NAV2: variants seen among roughly 807,000 people sequenced by gnomAD.
NAV2 encodes the protein neuron navigator 2.
A neutral mutation model predicts 223.2 loss-of-function variants in NAV2; 54 were observed. The ratio of observed to expected loss-of-function variants is 0.24; its 90% CI spans 0.19 to 0.30. The LOEUF (loss-of-function observed/expected upper bound fraction) is 0.30. NAV2 is among the 10% of genes least tolerant of loss of function. The pLI, the probability that NAV2 is intolerant of heterozygous loss-of-function variation, is 1.00. For missense variants in NAV2, 2,806 were observed against 3,147.5 expected, an observed-to-expected ratio of 0.89 and a Z score of 2.60; for synonymous variants, 1,279 against 1,239.3, an observed-to-expected ratio of 1.03 and a Z score of -0.67.
At chr11:20,089,788 T>A (rs566504902) in intron 26 of NAV2, among the ~76,000 whole-genome samples, 9 of 152,306 alleles carry the variant, frequency 5.9e-5, no homozygotes, top group African/African-American at 2.2e-4. Context: ...ATCTTCTACT[T>A]TGTGCTGATT....
At chr11:19,474,441 G>T (rs1049894167) in intron 1 of NAV2, among the ~76,000 whole-genome samples, 8 of 152,208 alleles carry the variant, frequency 5.3e-5, no homozygotes, top group Admixed American at 2.0e-4. Context: ...AATTTTATTA[G>T]AAAGCATCAA....
intron 11 of NAV2, among the ~76,000 whole-genome samples, chr11:20,008,415 C>G (rs572014033): frequency 4.6e-5 from 7 of 152,160 alleles, no homozygotes; most frequent in African/African-American, 1.7e-4. Flanking sequence ...TCTGTCTTTT[C>G]TCTATCACTT....
At chr11:19,462,915 G>T (rs751657273) in intron 1 of NAV2, among the ~76,000 whole-genome samples, 5 of 152,194 alleles carry the variant, frequency 3.3e-5, no homozygotes, top group Non-Finnish European at 7.3e-5. Context: ...CTGTTTCCAG[G>T]TGGGCCTCTA....
intron 1 of NAV2, among the ~76,000 whole-genome samples, chr11:19,582,386 A>T (rs1295615534): frequency 1.3e-5 from 2 of 151,940 alleles, no homozygotes; most frequent in African/African-American, 4.8e-5. Flanking sequence ...CCCATTTGTC[A>T]ATTTTGTCTT....
At chr11:19,994,273 G>A (rs574914786) in intron 11 of NAV2, among the ~76,000 whole-genome samples, 22 of 152,162 alleles carry the variant, frequency 1.4e-4, no homozygotes, top group South Asian at 1.2e-3. Flanking sequence ...AGGGCCAGGC[G>A]TGGTGGCTCA....
At position 20,056,445 on chromosome 11, in the gene NAV2, G is replaced by GT. The variant is rs1591889425; in HGVS notation, c.4831+492dup. On this transcript the variant is annotated intron_variant, in intron 19 of 37. Coordinates refer to ENST00000349880, the MANE Select transcript of NAV2 (RefSeq NM_145117.5). ...CAAGCACTGGGTTTTTAAGTGTATT[G>GT]TTTTCAGTTATGCCCTTTTCTTTCT... 11 of 939,972 alleles carry GT rather than the reference G, an allele frequency of 1.2e-5. No individual in the cohort carries two copies. The East Asian group carries it at 2.8e-4, about 24-fold the overall frequency. The allele number at this position is 939,972 out of a possible 1,614,324, so 58.2% of individuals were successfully genotyped here.
chr11:20,107,057 ATTTTTTTTTTTTTTTTTTTTT>A (rs10590815), intron 35 of NAV2, among the ~76,000 whole-genome samples: 17 of 27,256 alleles, frequency 6.2e-4, no homozygotes, highest in African/African-American at 1.9e-3. Context: ...ATGGGCTTCC[ATTTTTTTTTTTTTTTTTTTTT>A]TTTTTTTTTT....
intron 1 of NAV2, among the ~76,000 whole-genome samples, chr11:19,799,279 T>C (rs140624096): frequency 1.6e-4 from 24 of 152,268 alleles, no homozygotes; most frequent in Non-Finnish European, 2.9e-4. Flanking sequence ...ACTGCCAGCA[T>C]AGAACATTTT....
At chr11:20,034,352 T>G (rs1333973124) in intron 11 of NAV2, among the ~76,000 whole-genome samples, 2 of 32,040 alleles carry the variant, frequency 6.2e-5, no homozygotes, top group African/African-American at 2.8e-4. Flanking sequence ...GATCAGCAAG[T>G]TTTTTTTTTG....
chr11:19,860,398 A>G (rs1248525010), intron 3 of NAV2, among the ~76,000 whole-genome samples: 2 of 130,698 alleles, frequency 1.5e-5, no homozygotes, highest in African/African-American at 3.0e-5. Flanking sequence ...GGACGGGGCG[A>G]CAGGGCAGAG....
At chr11:20,031,985 C>T (rs775441751) in intron 11 of NAV2, among the ~76,000 whole-genome samples, 2 of 152,184 alleles carry the variant, frequency 1.3e-5, no homozygotes, top group Non-Finnish European at 2.9e-5. Flanking sequence ...AATACATCTG[C>T]AAACTCACTG....
chr11:19,589,686 A>T (rs775494444), intron 1 of NAV2, among the ~76,000 whole-genome samples: 8 of 152,182 alleles, frequency 5.3e-5, no homozygotes, highest in Admixed American at 1.3e-4. Context: ...GCTCCAGCCA[A>T]GAGAGAGCCA....
At chr11:19,856,567 G>C (rs1433769949) in intron 3 of NAV2, among the ~76,000 whole-genome samples, 2 of 152,190 alleles carry the variant, frequency 1.3e-5, no homozygotes, top group Non-Finnish European at 2.9e-5. Flanking sequence ...ATAAAAAATA[G>C]ATTGAGGTAA....
chr11:19,833,209 T>C (rs1247703088), intron 2 of NAV2, among the ~76,000 whole-genome samples: 1 of 152,176 alleles, frequency 6.6e-6, no homozygotes, highest in Non-Finnish European at 1.5e-5. Flanking sequence ...AACCACCCCA[T>C]GGGCCTGACT....
intron 1 of NAV2, among the ~76,000 whole-genome samples, chr11:19,594,871 A>T (rs1387825161): frequency 1.3e-5 from 2 of 152,230 alleles, no homozygotes; most frequent in Non-Finnish European, 2.9e-5. Context: ...GAGATATTGC[A>T]CATAAAGCAC....
chr11:19,576,518 T>G (rs1426454636), intron 1 of NAV2, among the ~76,000 whole-genome samples: 1 of 152,212 alleles, frequency 6.6e-6, no homozygotes, highest in South Asian at 2.1e-4. Context: ...TTTTGGTATA[T>G]TGAGATAGTT....
chr11:19,705,410 C>A (rs2049632750), intron 1 of NAV2, among the ~76,000 whole-genome samples: 1 of 152,142 alleles, frequency 6.6e-6, no homozygotes, highest in African/African-American at 2.4e-5. Context: ...TTTCCTGGAC[C>A]CAGCTCCTTG....
At chr11:20,056,922 A>G (rs973249250) in intron 19 of NAV2, among the ~76,000 whole-genome samples, 1 of 152,230 alleles carries the variant, frequency 6.6e-6, no homozygotes, top group Non-Finnish European at 1.5e-5. Flanking sequence ...TAATGTTATT[A>G]CATGTCATGG....
chr11:19,883,558 CCT>C (rs936173778), intron 5 of NAV2, among the ~76,000 whole-genome samples: 3 of 152,264 alleles, frequency 2.0e-5, no homozygotes, highest in South Asian at 2.1e-4. Context: ...TCTCTATTCT[CCT>C]CTGTCTCTTC....
Sources: gnomAD v4.1 joint callset for allele counts (sites outside exome capture counted in the v4.1 genomes callset) on GRCh38, gnomAD v4.1.1 for gene constraint, MANE v1.5 for transcripts, NCBI Gene and HGNC (gene_info 2026-07-23, HGNC 2026-07-21) for gene names.